SYNE2: variants seen among roughly 807,000 people sequenced by gnomAD.
SYNE2 encodes the protein nesprin-2.
Under a neutral mutation model 856.3 loss-of-function variants are expected in SYNE2, and 431 were observed. That is an observed-to-expected ratio of 0.50 (90% CI 0.47 to 0.55). The LOEUF (loss-of-function observed/expected upper bound fraction) is 0.55, where lower values mean the gene tolerates loss of function less well. Ranked by LOEUF, SYNE2 falls within the 20% of genes least tolerant of loss-of-function variation. The pLI, the probability that SYNE2 is intolerant of heterozygous loss-of-function variation, is 0.00. For synonymous variants in SYNE2, 2,923 were observed against 2,872.3 expected, an observed-to-expected ratio of 1.02 and a Z score of -0.56; for missense variants, 8,129 against 8,023.2, an observed-to-expected ratio of 1.01 and a Z score of -0.50.
In SYNE2 at chr14:64,159,525, GTCT is replaced by G. The variant is rs747169681; in HGVS notation, c.16094+89_16094+91del. ...AATGAGGGGGCATAGGCATTGTAAAGTCTTCTTCCTCCTCTGAGATGACTGGTT... is the reference window on the plus strand; with the variant it reads ...AATGAGGGGGCATAGGCATTGTAAAGTCTTCCTCCTCTGAGATGACTGGTT... On this transcript the variant is annotated intron_variant, in intron 87 of 115. Coordinates refer to ENST00000555002, the MANE Select transcript of SYNE2 (RefSeq NM_182914.3). 1,685 of 1,508,716 alleles carry G rather than the reference GTCT, an allele frequency of 1.1e-3. 2 individuals carry two copies. The highest frequency in any genetic ancestry group is 1.4e-3 in the Non-Finnish European group (1,498 of 1,102,494). The allele number at this position is 1,508,716 out of a possible 1,614,324, so 93.5% of individuals were successfully genotyped here. A position where few individuals can be genotyped will look rare whatever the true frequency, so the allele number is the denominator to read the frequency against.
intron 32 of SYNE2, among the ~76,000 whole-genome samples, chr14:64,016,162 C>CTT (rs140531447): frequency 6.6e-6 from 1 of 151,050 alleles, no homozygotes; most frequent in South Asian, 2.1e-4. Context: ...AATGCAGATG[C>CTT]TTTTTTTGGC....
chr14:64,003,715 G>A (rs1393333568), intron 30 of SYNE2, among the ~76,000 whole-genome samples: 1 of 152,166 alleles, frequency 6.6e-6, no homozygotes, highest in African/African-American at 2.4e-5. Context: ...GGTGGAAGAT[G>A]CATATGCCAC....
At chr14:64,085,365 T>C (rs2097553219) in intron 57 of SYNE2, among the ~76,000 whole-genome samples, 1 of 152,214 alleles carries the variant, frequency 6.6e-6, no homozygotes, top group Non-Finnish European at 1.5e-5. Context: ...TTAGTAAGTC[T>C]GGCCTGCATT....
At chr14:64,039,448 A>G (rs2097130434) in intron 45 of SYNE2, among the ~76,000 whole-genome samples, 1 of 152,230 alleles carries the variant, frequency 6.6e-6, no homozygotes, top group Non-Finnish European at 1.5e-5. Context: ...CAGGGGATGT[A>G]AAGATCAAAA....
In SYNE2 at chr14:63,834,218, C is replaced by T. The variant is rs544875825; in HGVS notation, c.-304-18283C>T. 3.3e-5 allele frequency among the ~76,000 whole-genome samples: 5 copies of T among 152,076 alleles called. No individual in the cohort carries two copies. The South Asian group carries it at 1.0e-3, about 32-fold the overall frequency. ...TCAGAAAATTCAATACAAATATTAA[C>T]CAGGTGTGGGGGCACATACCTGTAA... On this transcript the variant is annotated intron_variant, in intron 1 of 23. Transcript: ENST00000674003.
chr14:63,959,626 C>G (rs370240563), intron 8 of SYNE2, among the ~76,000 whole-genome samples: 9 of 152,200 alleles, frequency 5.9e-5, no homozygotes, highest in Admixed American at 6.5e-5. Context: ...ACAGTTTGGA[C>G]ATTGGTCTGG....
At chr14:63,813,155 A>C (rs1888682009) in intron 1 of SYNE2, among the ~76,000 whole-genome samples, 1 of 152,232 alleles carries the variant, frequency 6.6e-6, no homozygotes, top group Admixed American at 6.5e-5. Context: ...AAGCAGACCT[A>C]AGGAAAGCCT....
chr14:64,173,641 C>A (rs1358656019), intron 94 of SYNE2, among the ~76,000 whole-genome samples: 1 of 152,168 alleles, frequency 6.6e-6, no homozygotes, highest in Non-Finnish European at 1.5e-5. Context: ...TAGGTACTCA[C>A]TCTGTCTCCC....
At chr14:63,894,475 G>A (rs1298465024) in intron 1 of SYNE2, among the ~76,000 whole-genome samples, 1 of 152,048 alleles carries the variant, frequency 6.6e-6, no homozygotes, top group Non-Finnish European at 1.5e-5. Flanking sequence ...TCCTGCCGTG[G>A]CCTCCAAAGT....
Position 64,082,948 on chromosome 14 carries a change from C to T in SYNE2, c.11484+1368C>T, listed in dbSNP as rs187367558. On this transcript the variant is annotated intron_variant, in intron 57 of 115. Coordinates refer to ENST00000555002, the MANE Select transcript of SYNE2 (RefSeq NM_182914.3). ...TCGGCTGCAAAACATCTTCCGGATG[C>T]TGAGTACTAGGGAAGTTGCATTGCG... is the stretch of plus-strand genomic sequence containing the variant. 5.6e-3 allele frequency among the ~76,000 whole-genome samples: 852 copies of T among 152,300 alleles called. 12 individuals are homozygous for T. The highest frequency in any genetic ancestry group is 0.019 in the African/African-American group (801 of 41,558).
chr14:64,023,909 T>G lies in SYNE2; in HGVS notation c.5638-348T>G, dbSNP rs189269563. 1,288 of 291,736 alleles carry G rather than the reference T, an allele frequency of 4.4e-3. 11 individuals carry two copies. Among genetic ancestry groups the G allele is most frequent in the Non-Finnish European group, 4.7e-3 (706 of 150,666 alleles). 18.1% of individuals were successfully genotyped at this position (291,736 alleles called of 1,614,324 possible). A position where few individuals can be genotyped will look rare whatever the true frequency, so the allele number is the denominator to read the frequency against. On this transcript the variant is annotated intron_variant, in intron 38 of 115. Coordinates refer to ENST00000555002, the MANE Select transcript of SYNE2 (RefSeq NM_182914.3). The stretch of plus-strand genomic sequence containing the variant: ...GCCTTAACAATTGATGCCCAAACCT[T>G]GAAACGTAAACATTGAGATAAAATT...
At position 64,141,988 on chromosome 14, in the gene SYNE2, T is replaced by C. The variant is rs200347797; in HGVS notation, c.15206T>C (p.Ile5069Thr). The C allele has an allele frequency of 1.9e-6, 3 of 1,614,114 alleles. No homozygotes were observed. In the African/African-American group the frequency reaches 4.0e-5, roughly 22 times the overall value. ...TCTCGTAAAGCAATCACAGAAATGA[T>C]TAGCTGGATGAACAATGTGGAGCAT... ...LPSRKAITEM[I>T]SWMNNVEHQT... Residue 5069 changes from isoleucine to threonine, a missense_variant, in exon 82 of 116, where the codon ATT becomes ACT. Physicochemically the swap from Ile to Thr is moderately conservative, Grantham distance 89. Coordinates refer to ENST00000555002, the MANE Select transcript of SYNE2 (RefSeq NM_182914.3).
chr14:63,923,118 C>T (rs924721994), intron 2 of SYNE2, among the ~76,000 whole-genome samples: 4 of 152,082 alleles, frequency 2.6e-5, no homozygotes, highest in South Asian at 2.1e-4. Context: ...TTCTTCATTC[C>T]GTAGATATTT....
At position 64,024,665 on chromosome 14, in the gene SYNE2, T is replaced by G. The variant is rs55676048; in HGVS notation, c.5840+206T>G. On this transcript the variant is annotated intron_variant, in intron 39 of 115. Coordinates refer to ENST00000555002, the MANE Select transcript of SYNE2 (RefSeq NM_182914.3). Reference sequence around the variant, plus strand: ...TCTAATGTAGCAAAGGTTCATGGGATAGTCTGAAAAAAGTTTTCTGTTTCC... The same window carrying G: ...TCTAATGTAGCAAAGGTTCATGGGAGAGTCTGAAAAAAGTTTTCTGTTTCC... Among the ~76,000 whole-genome samples the G allele has an allele frequency of 0.025, 3,741 of 152,256 alleles. 69 individuals carry two copies. Among genetic ancestry groups the G allele is most frequent in the Admixed American group, 0.047 (724 of 15,292 alleles).
chr14:63,942,083 C>T lies in SYNE2; in HGVS notation c.348C>T (p.Ile116=). The T allele has an allele frequency of 6.2e-7, 1 of 1,611,530 alleles. No individual in the cohort carries two copies. The highest frequency in any genetic ancestry group is 8.5e-7 in the Non-Finnish European group (1 of 1,178,240). Residue 116 remains isoleucine, a synonymous_variant, in exon 6 of 116, where the codon ATC becomes ATT. Transcript: ENST00000555002. ...IKLINIHVTD[I]IDGNPSIILG... is the part of the protein sequence containing the mutation. ...TAATAAATATTCATGTTACTGATAT[C>T]ATTGATGGAAACCCATCCATTATCC...
At chr14:64,017,867 A>G (rs2096905507) in intron 34 of SYNE2, 111 bp downstream of exon 34, 1 of 1,046,760 alleles carries the variant, frequency 9.6e-7, no homozygotes. Flanking sequence ...TTTGTTATCA[A>G]GAAAATCACA....
rs1186041413 is a variant in SYNE2, at chr14:63,982,696, T to C, written c.1903T>C (p.Leu635=). The C allele has an allele frequency of 6.2e-7, 1 of 1,614,088 alleles. No individual in the cohort carries two copies. The highest frequency in any genetic ancestry group is 1.7e-5 in the Admixed American group (1 of 60,014). ...TACTTTAAATGAAGCAGGAAATTTCTTAGTCGAAGTCAGCAATGATGTGGT... is the reference window on the plus strand; with the variant it reads ...TACTTTAAATGAAGCAGGAAATTTCCTAGTCGAAGTCAGCAATGATGTGGT... ...HATLNEAGNF[L]VEVSNDVVGS... The change falls in exon 17 of 116, where the codon TTA becomes CTA. Residue 635 remains leucine, a synonymous_variant. Coordinates refer to ENST00000555002, the MANE Select transcript of SYNE2 (RefSeq NM_182914.3).
At chr14:63,851,333 C>A (rs1469973559), upstream of SYNE2, among the ~76,000 whole-genome samples, 1 of 152,184 alleles carries the variant, frequency 6.6e-6, no homozygotes, top group Non-Finnish European at 1.5e-5. Flanking sequence ...TGCACTCCAG[C>A]CTGGGCAACA....
chr14:63,956,377 T>G lies in SYNE2; in HGVS notation c.787+1462T>G, dbSNP rs868666481. On this transcript the variant is annotated intron_variant, in intron 8 of 115. Transcript: ENST00000555002. Reference sequence around the variant, plus strand: ...GTATTTATTACCTATGCTTTTAATATAATTTGTGCATTTATATGATTTAAT... The same window carrying G: ...GTATTTATTACCTATGCTTTTAATAGAATTTGTGCATTTATATGATTTAAT... 1.1e-5 allele frequency: 5 copies of G among 456,128 alleles called. No individual in the cohort carries two copies. In the Middle Eastern group the frequency reaches 9.7e-4, roughly 89 times the overall value. 28.3% of individuals were successfully genotyped at this position (456,128 alleles called of 1,614,324 possible). A position where few individuals can be genotyped will look rare whatever the true frequency, so the allele number is the denominator to read the frequency against.
Sources: allele counts gnomAD v4.1 joint callset (sites outside exome capture counted in the v4.1 genomes callset), GRCh38; gene constraint gnomAD v4.1.1; transcripts MANE v1.5; gene names NCBI Gene and HGNC (gene_info 2026-07-23, HGNC 2026-07-21).